The following TGM2 variants were observed in gnomAD, a reference collection of about 807,000 sequenced individuals.
TGM2 encodes the protein protein-glutamine gamma-glutamyltransferase 2.
Under a neutral mutation model 75.6 loss-of-function variants are expected in TGM2, and 53 were observed. That is an observed-to-expected ratio of 0.70 (90% CI 0.56 to 0.88). The LOEUF (loss-of-function observed/expected upper bound fraction) is 0.88, where lower values mean the gene tolerates loss of function less well. Among genes scored for constraint, TGM2 ranks in the 40% least tolerant of loss-of-function variants. TGM2 has a pLI of 0.00. For missense variants in TGM2, 842 were observed against 928.5 expected, an observed-to-expected ratio of 0.91 and a Z score of 1.21; for synonymous variants, 374 against 381.1, an observed-to-expected ratio of 0.98 and a Z score of 0.22.
chr20:38,147,021 G>A, intron 5 of TGM2, 127 bp from the exon 6 acceptor site: 3 of 975,320 alleles, frequency 3.1e-6, no homozygotes, highest in Non-Finnish European at 4.7e-6. Context: ...GAAAGAGCAG[G>A]TGCAAAGGGG....
chr20:38,136,071 GT>G (rs2074896732), intron 10 of TGM2, among the ~76,000 whole-genome samples: 1 of 152,234 alleles, frequency 6.6e-6, no homozygotes. Flanking sequence ...CAGCTTCAGT[GT>G]TGGGCCCTGT....
At position 38,132,818 on chromosome 20, in the gene TGM2, G is replaced by A. The variant is rs545399606; in HGVS notation, c.1616-318C>T. 619 of 481,724 alleles carry A rather than the reference G, an allele frequency of 1.3e-3. 8 individuals are homozygous for A. Among genetic ancestry groups the A allele is most frequent in the South Asian group, 9.3e-3 (603 of 64,798 alleles). 29.8% of individuals were successfully genotyped at this position (481,724 alleles called of 1,614,324 possible). A position where few individuals can be genotyped will look rare whatever the true frequency, so the allele number is the denominator to read the frequency against. On this transcript the variant is annotated intron_variant, in intron 10 of 12. Coordinates refer to ENST00000361475, the MANE Select transcript of TGM2 (RefSeq NM_004613.4). ...GGTCCTCGATGTTTGGATCTGCGTG[G>A]CACAGGCACTCCTAAGGCTGTGGGA...
chr20:38,166,479 C>A (rs2075310869), upstream of TGM2: 1 of 152,270 alleles, frequency 6.6e-6, no homozygotes, highest in Non-Finnish European at 1.5e-5. Flanking sequence ...TCTCTGGTCT[C>A]TTGGTCTCCT....
At position 38,146,883 on chromosome 20, in the gene TGM2, G is replaced by A. The variant is rs538813303; in HGVS notation, c.693C>T (p.Asn231=). The A allele has an allele frequency of 4.5e-5, 72 of 1,613,120 alleles. No individual in the cohort carries two copies. The South Asian group carries it at 4.7e-4, about 11-fold the overall frequency. The part of the protein sequence containing the change: ...GRVVSGMVNC[N]DDQGVLLGRW... ...GTCCCAGCAGCACACCCTGGTCATC[G>A]TTGCAGTTGACCTGCAACCAGTGGG... Residue 231 remains asparagine, a synonymous_variant, in exon 6 of 13, where the codon AAC becomes AAT. Coordinates refer to ENST00000361475, the MANE Select transcript of TGM2 (RefSeq NM_004613.4).
At chr20:38,134,977 A>G (rs1234205572) in intron 10 of TGM2, among the ~76,000 whole-genome samples, 2 of 152,242 alleles carry the variant, frequency 1.3e-5, no homozygotes, top group African/African-American at 2.4e-5. Context: ...GCCAATGCCC[A>G]GGACCTTCTG....
chr20:38,165,271 G>A (rs1451138804), upstream of TGM2: 5 of 1,605,630 alleles, frequency 3.1e-6, no homozygotes, highest in Admixed American at 1.7e-5. Flanking sequence ...GGCTGGCACT[G>A]CCGAGGCGGA....
At chr20:38,135,273 C>T (rs1315250172) in intron 10 of TGM2, among the ~76,000 whole-genome samples, 1 of 152,196 alleles carries the variant, frequency 6.6e-6, no homozygotes, top group Non-Finnish European at 1.5e-5. Context: ...CTTGGAGCAG[C>T]TCTGAGCACG....
At position 38,132,366 on chromosome 20, in the gene TGM2, GGT is replaced by G; in HGVS notation, c.1748_1749del (p.Tyr583SerfsTer23). The G allele has an allele frequency of 6.2e-7, 1 of 1,614,160 alleles. No homozygotes were observed. Among genetic ancestry groups the G allele is most frequent in the Non-Finnish European group, 8.5e-7 (1 of 1,180,030 alleles). On this transcript the variant is annotated frameshift_variant, in exon 11 of 13. Transcript: ENST00000361475. LOFTEE classifies it high-confidence loss of function. ...NSYLLAERDL[Y>X]LENPEIKIRI... Reference sequence around the variant, plus strand: ...CGGATCTTGATTTCTGGATTCTCCAGGTAGAGGTCCCTCTCAGCCAGCAGGTA... The same window carrying G: ...CGGATCTTGATTTCTGGATTCTCCAGAGAGGTCCCTCTCAGCCAGCAGGTA...
chr20:38,167,148 C>T (rs1183488400), upstream of TGM2, among the ~76,000 whole-genome samples: 1 of 152,142 alleles, frequency 6.6e-6, no homozygotes, highest in Non-Finnish European at 1.5e-5. Flanking sequence ...TCAAGTATCC[C>T]AGCACCTGGC....
At chr20:38,150,036 C>T (rs2075098479) in intron 4 of TGM2, among the ~76,000 whole-genome samples, 1 of 152,098 alleles carries the variant, frequency 6.6e-6, no homozygotes, top group South Asian at 2.1e-4. Flanking sequence ...AGGGTGAACC[C>T]CACCCCAGGA....
intron 2 of TGM2, 113 bp from the exon 3 acceptor site, chr20:38,156,202 T>A: frequency 7.5e-7 from 1 of 1,336,120 alleles, no homozygotes; most frequent in Non-Finnish European, 1.0e-6. Flanking sequence ...CACTAACCAC[T>A]GAAATAAGTT....
chr20:38,157,072 G>A (rs998436504), intron 2 of TGM2, among the ~76,000 whole-genome samples: 2 of 152,226 alleles, frequency 1.3e-5, no homozygotes, highest in African/African-American at 4.8e-5. Context: ...GACATGGGTG[G>A]TGGAGAGAAG....
intron 11 of TGM2, among the ~76,000 whole-genome samples, chr20:38,131,654 G>C (rs2074835713): frequency 6.6e-6 from 1 of 152,098 alleles, no homozygotes; most frequent in Non-Finnish European, 1.5e-5. Context: ...GCTAATATGT[G>C]CAAGCTTCCA....
chr20:38,153,528 A>AAAAAAAAAAGAAAAAAAAAG (rs56670550), intron 3 of TGM2, among the ~76,000 whole-genome samples: 2 of 125,254 alleles, frequency 1.6e-5, no homozygotes, highest in African/African-American at 3.4e-5. Context: ...TGGTCTCAAA[A>AAAAAAAAAAGAAAAAAAAAG]AAAAGAAAAA....
chr20:38,127,600 G>T lies in TGM2; in HGVS notation c.*2619C>A, dbSNP rs115459652. The T allele has an allele frequency of 6.5e-6, 1 of 153,078 alleles. No individual in the cohort carries two copies. The highest frequency in any genetic ancestry group is 2.4e-5 in the African/African-American group (1 of 41,540). The allele number at this position is 153,078 out of a possible 1,614,324, so 9.5% of individuals were successfully genotyped here. On this transcript the variant is annotated 3_prime_UTR_variant, in exon 13 of 13. Coordinates refer to ENST00000361475, the MANE Select transcript of TGM2 (RefSeq NM_004613.4). ...TCCAGTACTAGCCAGACTGGCTACC[G>T]AGCACTTGAAATGCAGCTAGTTCAA...
intron 5 of TGM2, 26 bp downstream of exon 5, chr20:38,147,935 C>T (rs775339732): frequency 6.2e-7 from 1 of 1,601,450 alleles, no homozygotes; most frequent in African/African-American, 1.3e-5. Flanking sequence ...GGCCCCGCCC[C>T]TGGATGGGCC....
rs2074943136 is a variant in TGM2, at chr20:38,139,504, T to C, written c.1250A>G (p.Asn417Ser). The C allele has an allele frequency of 6.2e-7, 1 of 1,614,160 alleles. No homozygotes were observed. The highest frequency in any genetic ancestry group is 8.5e-7 in the Non-Finnish European group (1 of 1,180,034). Reference sequence around the variant, plus strand: ...CTTCAGCCCAACGATCAGGGAACGGTTGATGGATTTGTGCACAGACCCATC... The same window carrying C: ...CTTCAGCCCAACGATCAGGGAACGGCTGATGGATTTGTGCACAGACCCATC... ...QDDGSVHKSINRSLIVGLKIS... is the reference protein window; with the variant it reads ...QDDGSVHKSISRSLIVGLKIS... The change falls in exon 9 of 13, where the codon AAC becomes AGC. Residue 417 changes from asparagine (N) to serine (S), a missense_variant. Physicochemically the swap from Asn to Ser is conservative, Grantham distance 46. Transcript: ENST00000361475.
At chr20:38,155,793 G>A in intron 3 of TGM2, 54 bp downstream of exon 3, 1 of 1,558,188 alleles carries the variant, frequency 6.4e-7, no homozygotes, top group South Asian at 1.2e-5. Context: ...CTCCTCCATG[G>A]GCGGATCCAG....
intron 10 of TGM2, among the ~76,000 whole-genome samples, chr20:38,137,407 C>T (rs183050552): frequency 2.0e-5 from 3 of 152,252 alleles, no homozygotes; most frequent in African/African-American, 7.2e-5. Context: ...GAGCTGAGAT[C>T]GTGCCACTGC....
Sources: allele counts gnomAD v4.1 joint callset (sites outside exome capture counted in the v4.1 genomes callset), GRCh38; gene constraint gnomAD v4.1.1; transcripts MANE v1.5; gene names NCBI Gene and HGNC (gene_info 2026-07-23, HGNC 2026-07-21).